LSM14A: variants seen among roughly 807,000 people sequenced by gnomAD.
LSM14A encodes the protein LSM14A mRNA processing body assembly factor.
Under a neutral mutation model 52.4 loss-of-function variants are expected in LSM14A, and 14 were observed. The ratio of observed to expected loss-of-function variants is 0.27; its 90% CI spans 0.18 to 0.42. The LOEUF (loss-of-function observed/expected upper bound fraction) is 0.42, where lower values mean the gene tolerates loss of function less well. Ranked by LOEUF, LSM14A falls within the 10% of genes least tolerant of loss-of-function variation. The pLI is 1.00. For missense variants in LSM14A, 417 were observed against 581.8 expected (o/e 0.72, Z 2.91); for synonymous variants, 185 against 200.3 (o/e 0.92, Z 0.64).
At position 34,196,763 on chromosome 19, in the gene LSM14A, G is replaced by T; in HGVS notation, c.415G>T (p.Ala139Ser). 6.3e-7 allele frequency: 1 copy of T among 1,592,458 alleles called. No individual in the cohort carries two copies. Among genetic ancestry groups the T allele is most frequent in the East Asian group, 2.2e-5 (1 of 44,446 alleles). Reference sequence around the variant, plus strand: ...GCAGCAGTTTGGTGCTGTTGGTGTTGGTATGTTTTCTTTTTCTTTTCTTTT... The same window carrying T: ...GCAGCAGTTTGGTGCTGTTGGTGTTTGTATGTTTTCTTTTTCTTTTCTTTT... ...VGQQFGAVGV[A>S]GSSLTSFGTE... Residue 139 changes from alanine (A) to serine (S), a missense_variant and splice_region_variant, in exon 3 of 10, where the codon GCT (alanine) becomes TCT (serine). Transcript: ENST00000544216.
intron 3 of LSM14A, among the ~76,000 whole-genome samples, chr19:34,201,415 T>C (rs750805914): frequency 6.6e-6 from 1 of 152,214 alleles, no homozygotes; most frequent in Non-Finnish European, 1.5e-5. Context: ...CGATCTCAGC[T>C]CACTGCAGCC....
At chr19:34,201,386 A>G (rs1275708968) in intron 3 of LSM14A, among the ~76,000 whole-genome samples, 1 of 152,230 alleles carries the variant, frequency 6.6e-6, no homozygotes, top group Non-Finnish European at 1.5e-5. Context: ...TCTGTCACCC[A>G]GGCTAGAGTG....
intron 1 of LSM14A, among the ~76,000 whole-genome samples, chr19:34,190,733 T>A (rs900090600): frequency 1.3e-5 from 2 of 152,170 alleles, no homozygotes; most frequent in Non-Finnish European, 2.9e-5. Context: ...CCAGAACTAT[T>A]TCTATTCTAG....
intron 4 of LSM14A, among the ~76,000 whole-genome samples, chr19:34,211,602 C>T (rs373143580): frequency 1.3e-5 from 2 of 152,012 alleles, no homozygotes; most frequent in African/African-American, 2.4e-5. Context: ...GCCTGAGCAA[C>T]GTAGTGAAAC....
At chr19:34,184,381 T>C (rs945848863) in intron 1 of LSM14A, among the ~76,000 whole-genome samples, 1 of 152,224 alleles carries the variant, frequency 6.6e-6, no homozygotes, top group African/African-American at 2.4e-5. Flanking sequence ...TGTAAATTAT[T>C]AAATTGATTT....
At chr19:34,177,712 A>C (rs926096720) in intron 1 of LSM14A, among the ~76,000 whole-genome samples, 1 of 139,714 alleles carries the variant, frequency 7.2e-6, no homozygotes, top group Admixed American at 7.1e-5. Context: ...ATACAGGGAG[A>C]CTCCATTTCT....
intron 6 of LSM14A, among the ~76,000 whole-genome samples, chr19:34,217,191 G>A (rs960506681): frequency 2.7e-5 from 4 of 150,364 alleles, no homozygotes; most frequent in Non-Finnish European, 5.9e-5. Context: ...CCCGGGAGGC[G>A]AGGTTGTAGT....
At chr19:34,222,586 A>T (rs556963129) in intron 9 of LSM14A, among the ~76,000 whole-genome samples, 1 of 152,336 alleles carries the variant, frequency 6.6e-6, no homozygotes, top group East Asian at 1.9e-4. Context: ...CTGGAAACAG[A>T]AAGACCTGTT....
intron 3 of LSM14A, chr19:34,208,301 C>G (rs1379468411): frequency 6.6e-6 from 1 of 152,138 alleles, no homozygotes; most frequent in East Asian, 1.9e-4. Flanking sequence ...CACAGTATAT[C>G]AAAAGTGAAT....
At chr19:34,214,246 CT>C (rs1167544899) in intron 4 of LSM14A, among the ~76,000 whole-genome samples, 1 of 151,844 alleles carries the variant, frequency 6.6e-6, no homozygotes, top group Non-Finnish European at 1.5e-5. Flanking sequence ...ACCCAAGCCC[CT>C]AAAGCATTAA....
intron 1 of LSM14A, 144 bp from the exon 2 acceptor site, chr19:34,194,334 A>G (rs2070691990): frequency 2.7e-6 from 2 of 742,782 alleles, no homozygotes; most frequent in Non-Finnish European, 4.4e-6. Context: ...CTTTAAAAAA[A>G]CTTTTTTAGC....
At chr19:34,192,944 A>G (rs929343964) in intron 1 of LSM14A, among the ~76,000 whole-genome samples, 1 of 152,068 alleles carries the variant, frequency 6.6e-6, no homozygotes, top group African/African-American at 2.4e-5. Flanking sequence ...GCGTCACTGC[A>G]CTCCAGCTGG....
At chr19:34,223,086 TG>T (rs968748077) in intron 9 of LSM14A, among the ~76,000 whole-genome samples, 1 of 152,056 alleles carries the variant, frequency 6.6e-6, no homozygotes, top group Non-Finnish European at 1.5e-5. Flanking sequence ...TTCTTTTTTT[TG>T]GGGGGTGGAG....
At chr19:34,182,351 GTTC>G (rs2069543800) in intron 1 of LSM14A, among the ~76,000 whole-genome samples, 2 of 152,030 alleles carry the variant, frequency 1.3e-5, no homozygotes, top group Admixed American at 6.5e-5. Flanking sequence ...ACTGCTTTTT[GTTC>G]TTCTAATATT....
At chr19:34,210,792 G>T (rs923686728) in intron 4 of LSM14A, among the ~76,000 whole-genome samples, 1 of 139,772 alleles carries the variant, frequency 7.2e-6, no homozygotes, top group East Asian at 2.2e-4. Flanking sequence ...GGCTGGTCTG[G>T]AACTCCTGGG....
chr19:34,211,405 A>C (rs899895356), intron 4 of LSM14A, among the ~76,000 whole-genome samples: 1 of 152,204 alleles, frequency 6.6e-6, no homozygotes, highest in Non-Finnish European at 1.5e-5. Context: ...AAAATATATA[A>C]TAAGAAATAA....
intron 1 of LSM14A, among the ~76,000 whole-genome samples, chr19:34,184,186 G>C (rs1379393595): frequency 1.3e-5 from 2 of 151,464 alleles, no homozygotes; most frequent in African/African-American, 4.9e-5. Context: ...CTCCTGAGTA[G>C]CTGGGATGAC....
Position 34,227,532 on chromosome 19 carries a change from C to T in LSM14A, c.*144C>T, listed in dbSNP as rs751191584. 1.7e-5 allele frequency: 10 copies of T among 600,650 alleles called. No homozygotes were observed. Among genetic ancestry groups the T allele is most frequent in the South Asian group, 7.9e-5 (3 of 37,878 alleles). 37.2% of individuals were successfully genotyped at this position (600,650 alleles called of 1,614,324 possible). A position where few individuals can be genotyped will look rare whatever the true frequency, so the allele number is the denominator to read the frequency against. On this transcript the variant is annotated 3_prime_UTR_variant, in exon 10 of 10. Transcript: ENST00000544216. The stretch of plus-strand genomic sequence containing the variant: ...GGTTTTTGTTTTTTGTTTGTTTTTC[C>T]GCTTAATTTCAAAGATAAAATGCAG...
chr19:34,215,770 GT>G (rs2072536717), intron 6 of LSM14A, 109 bp downstream of exon 6: 2 of 767,262 alleles, frequency 2.6e-6, no homozygotes, highest in Non-Finnish European at 2.2e-6. Flanking sequence ...GGTTGTGACT[GT>G]AAAGGAGGAG....
Sources: allele counts gnomAD v4.1 joint callset (sites outside exome capture counted in the v4.1 genomes callset), GRCh38; gene constraint gnomAD v4.1.1; transcripts MANE v1.5; gene names NCBI Gene and HGNC (gene_info 2026-07-23, HGNC 2026-07-21).